Variants in TYR observed in about 807,000 individuals in gnomAD.
The protein encoded by TYR is LB24-AB.
A neutral mutation model predicts 51.5 loss-of-function variants in TYR; 58 were observed. That is an observed-to-expected ratio of 1.13 (90% confidence interval 0.91 to 1.40). TYR has a LOEUF of 1.40. TYR is among the 40% of genes most tolerant of loss of function. The pLI, the probability that TYR is intolerant of heterozygous loss-of-function variation, is 0.00. For missense variants in TYR, 732 were observed against 647.4 expected, an observed-to-expected ratio of 1.13 and a Z score of -1.42; for synonymous variants, 263 against 235.2, an observed-to-expected ratio of 1.12 and a Z score of -1.08.
At chr11:89,281,704 CT>C (rs776020834) in intron 3 of TYR, among the ~76,000 whole-genome samples, 2 of 151,728 alleles carry the variant, frequency 1.3e-5, no homozygotes, top group African/African-American at 2.4e-5. Flanking sequence ...ATTAATTTGT[CT>C]ATTTTGTTCT....
intron 3 of TYR, among the ~76,000 whole-genome samples, chr11:89,245,950 CAA>C (rs1423241330): frequency 6.6e-6 from 1 of 150,924 alleles, no homozygotes; most frequent in Non-Finnish European, 1.5e-5. Context: ...ACAAAAAAAA[CAA>C]AACAGAATCT....
intron 2 of TYR, among the ~76,000 whole-genome samples, chr11:89,207,262 C>T (rs1200016742): frequency 6.6e-6 from 1 of 151,978 alleles, no homozygotes; most frequent in African/African-American, 2.4e-5. Flanking sequence ...ACACAAATTA[C>T]CAATATCAAG....
intron 1 of TYR, 81 bp from the exon 2 acceptor site, chr11:89,191,121 T>G (rs2135252935): frequency 8.0e-7 from 1 of 1,248,426 alleles, no homozygotes; most frequent in South Asian, 1.2e-5. Flanking sequence ...ACAACGATAA[T>G]TAGGAGTTCC....
At chr11:89,262,379 G>T (rs1169950356) in intron 3 of TYR, among the ~76,000 whole-genome samples, 3 of 151,588 alleles carry the variant, frequency 2.0e-5, no homozygotes, top group Non-Finnish European at 4.4e-5. Context: ...GGTTATTAAT[G>T]ACTACATTAA....
At chr11:89,207,416 C>G (rs1195918754) in intron 2 of TYR, among the ~76,000 whole-genome samples, 1 of 151,978 alleles carries the variant, frequency 6.6e-6, no homozygotes, top group African/African-American at 2.4e-5. Flanking sequence ...ACCACTCACC[C>G]AATAAGAAAT....
At chr11:89,251,381 A>G (rs545929664) in intron 3 of TYR, among the ~76,000 whole-genome samples, 2 of 152,078 alleles carry the variant, frequency 1.3e-5, no homozygotes, top group East Asian at 3.9e-4. Context: ...GGATTGCCAC[A>G]GCAGAAAACA....
intron 3 of TYR, among the ~76,000 whole-genome samples, chr11:89,257,881 A>C (rs943237990): frequency 6.6e-6 from 1 of 152,008 alleles, no homozygotes; most frequent in Non-Finnish European, 1.5e-5. Flanking sequence ...TGAACACAGA[A>C]ATGCTAAAAA....
At chr11:89,267,032 A>T (rs932754305) in intron 3 of TYR, among the ~76,000 whole-genome samples, 1 of 151,958 alleles carries the variant, frequency 6.6e-6, no homozygotes, top group Non-Finnish European at 1.5e-5. Context: ...CAGATAGTAG[A>T]TATATGATAA....
At chr11:89,206,351 T>C (rs938075924) in intron 2 of TYR, among the ~76,000 whole-genome samples, 2 of 152,148 alleles carry the variant, frequency 1.3e-5, no homozygotes, top group African/African-American at 4.8e-5. Flanking sequence ...GCTATATTAA[T>C]ATCTAATAAA....
intron 3 of TYR, among the ~76,000 whole-genome samples, chr11:89,271,464 T>G (rs1324523129): frequency 2.0e-5 from 3 of 151,962 alleles, no homozygotes; most frequent in African/African-American, 7.2e-5. Flanking sequence ...ACATACCTTA[T>G]GTTAAAAATA....
At chr11:89,271,509 C>T (rs1205860545) in intron 3 of TYR, among the ~76,000 whole-genome samples, 1 of 151,846 alleles carries the variant, frequency 6.6e-6, no homozygotes, top group East Asian at 1.9e-4. Flanking sequence ...TATTCTGAAC[C>T]TTCAGCAAGT....
intron 4 of TYR, among the ~76,000 whole-genome samples, chr11:89,285,672 T>C (rs1003136458): frequency 1.3e-5 from 2 of 151,748 alleles, no homozygotes; most frequent in African/African-American, 4.8e-5. Flanking sequence ...CATGTATTAT[T>C]AATAAACCAT....
At chr11:89,271,075 A>C (rs2135314686) in intron 3 of TYR, among the ~76,000 whole-genome samples, 1 of 152,052 alleles carries the variant, frequency 6.6e-6, no homozygotes, top group South Asian at 2.1e-4. Context: ...GGAGAATATA[A>C]AAGTTTAAAG....
intron 2 of TYR, among the ~76,000 whole-genome samples, chr11:89,226,028 T>TA (rs1943971127): frequency 6.6e-6 from 1 of 152,006 alleles, no homozygotes; most frequent in Admixed American, 6.6e-5. Context: ...TCTTTTAAAT[T>TA]AAAAAAATCA....
intron 3 of TYR, among the ~76,000 whole-genome samples, chr11:89,245,694 G>A (rs1331038624): frequency 2.0e-5 from 3 of 152,104 alleles, no homozygotes; most frequent in Non-Finnish European, 2.9e-5. Context: ...AGGCCAAGGC[G>A]GGCGGATTAT....
intron 4 of TYR, 119 bp from the exon 5 acceptor site, chr11:89,295,021 AAGT>A (rs1944890700): frequency 6.7e-7 from 1 of 1,483,788 alleles, no homozygotes; most frequent in Non-Finnish European, 9.2e-7. Context: ...TACAGTTAAT[AAGT>A]AGTAGAGCTG....
At position 89,231,512 on chromosome 11, in the gene TYR, T is replaced by C. The variant is rs187183545; in HGVS notation, c.1184+3542T>C. 1.1e-4 allele frequency among the ~76,000 whole-genome samples: 16 copies of C among 143,034 alleles called. 1 individual carries two copies. In the South Asian group the frequency reaches 2.3e-3, roughly 20 times the overall value. 93.8% of individuals were successfully genotyped at this position (143,034 alleles called of 152,430 possible). ...CAACAACACGGATGAACCTGGAGTT[T>C]AGTATGTGAAATAAAATGAGTCAGA... On this transcript the variant is annotated intron_variant, in intron 3 of 4. Transcript: ENST00000263321.
At chr11:89,197,424 A>G (rs534488093) in intron 2 of TYR, among the ~76,000 whole-genome samples, 1 of 152,216 alleles carries the variant, frequency 6.6e-6, no homozygotes, top group Non-Finnish European at 1.5e-5. Flanking sequence ...TTCGTAATAC[A>G]TTAAATGTTA....
At chr11:89,246,304 A>C (rs1385089113) in intron 3 of TYR, among the ~76,000 whole-genome samples, 1 of 152,204 alleles carries the variant, frequency 6.6e-6, no homozygotes, top group Non-Finnish European at 1.5e-5. Flanking sequence ...GGAAAGTTGC[A>C]GATCTCCAAG....
Sources: allele counts gnomAD v4.1 joint callset (sites outside exome capture counted in the v4.1 genomes callset), GRCh38; gene constraint gnomAD v4.1.1; transcripts MANE v1.5; gene names NCBI Gene and HGNC (gene_info 2026-07-23, HGNC 2026-07-21).